TMF1: variants seen among roughly 807,000 people sequenced by gnomAD.
TMF1 encodes the protein TATA element modulatory factor 1.
Under a neutral mutation model 126.5 loss-of-function variants are expected in TMF1, and 71 were observed. The ratio of observed to expected loss-of-function variants is 0.56; its 90% CI spans 0.46 to 0.68. TMF1 has a LOEUF of 0.68. Among genes scored for constraint, TMF1 ranks in the 30% least tolerant of loss-of-function variants. TMF1 has a pLI of 0.00. For missense variants in TMF1, 1,259 were observed against 1,253.2 expected, an observed-to-expected ratio of 1.00 and a Z score of -0.07; for synonymous variants, 461 against 430.5, an observed-to-expected ratio of 1.07 and a Z score of -0.88.
intron 5 of TMF1, among the ~76,000 whole-genome samples, chr3:69,041,461 C>G (rs944036547): frequency 2.0e-5 from 3 of 152,148 alleles, no homozygotes; most frequent in African/African-American, 7.2e-5. Flanking sequence ...ATGACTGCTT[C>G]CAACTGTTCT....
At chr3:69,043,701 A>T (rs765635285) in intron 4 of TMF1, 49 bp downstream of exon 4, 2 of 1,479,210 alleles carry the variant, frequency 1.4e-6, no homozygotes, top group Non-Finnish European at 1.8e-6. Flanking sequence ...CTCCTCAAAA[A>T]TCTATATCTC....
Position 69,042,907 on chromosome 3 carries a change from G to C in TMF1, c.1584C>G (p.Ile528Met), listed in dbSNP as rs755671358. The C allele has an allele frequency of 6.2e-7, 1 of 1,604,216 alleles. No homozygotes were observed. The highest frequency in any genetic ancestry group is 8.5e-7 in the Non-Finnish European group (1 of 1,172,404). The part of the protein sequence containing the change: ...CKERDAAKKE[I>M]KNIKEELATR... ...TGGCAAGTTCTTCTTTTATGTTTTT[G>C]ATTTCCTAATAAAAAAGAAATCTGT... is the stretch of plus-strand genomic sequence containing the variant. The change falls in exon 5 of 17, where the codon ATC becomes ATG. Residue 528 changes from isoleucine (I) to methionine (M), a missense_variant. By Grantham distance (10) the Ile-to-Met change is conservative. Transcript: ENST00000398559.
At position 69,024,148 on chromosome 3, in the gene TMF1, T is replaced by C. The variant is rs2091753681; in HGVS notation, c.3045A>G (p.Ser1015=). Residue 1015 remains serine, a synonymous_variant, in exon 16 of 17, where the codon TCA becomes TCG. Coordinates refer to ENST00000398559, the MANE Select transcript of TMF1 (RefSeq NM_007114.3). ...LEIGNLEKTR[S]IMAEELVKLT... is the part of the protein sequence containing the mutation. ...ATTTAACTAGTTCTTCAGCCATTAT[T>C]GATCGAGTTTTTTCTAGATTGCCAA... The C allele has an allele frequency of 6.2e-7, 1 of 1,608,130 alleles. No homozygotes were observed. Among genetic ancestry groups the C allele is most frequent in the Admixed American group, 1.7e-5 (1 of 59,028 alleles).
At chr3:69,040,653 G>A (rs1258722075) in intron 5 of TMF1, among the ~76,000 whole-genome samples, 1 of 152,204 alleles carries the variant, frequency 6.6e-6, no homozygotes, top group Non-Finnish European at 1.5e-5. Flanking sequence ...CTGGCCGGGT[G>A]CAGTGGCTCA....
At chr3:69,031,459 A>G (rs940028507) in intron 10 of TMF1, among the ~76,000 whole-genome samples, 1 of 152,150 alleles carries the variant, frequency 6.6e-6, no homozygotes, top group Non-Finnish European at 1.5e-5. Flanking sequence ...TACCAATAAA[A>G]CTTTGGAAAT....
intron 10 of TMF1, 128 bp downstream of exon 10, chr3:69,033,419 TA>T: frequency 1.8e-6 from 2 of 1,084,652 alleles, no homozygotes; most frequent in Non-Finnish European, 2.5e-6. Flanking sequence ...AGAGAAAATG[TA>T]AAAATCTACA....
Position 69,052,270 on chromosome 3 carries a change from G to A in TMF1, c.-184C>T, listed in dbSNP as rs1460449230. ...TACCCTCGGCCGTTCCCGCACAGCTGAGACGAAGGGGGCCCATGTGCGCAT... is the reference window on the plus strand; with the variant it reads ...TACCCTCGGCCGTTCCCGCACAGCTAAGACGAAGGGGGCCCATGTGCGCAT... On this transcript the variant is annotated 5_prime_UTR_variant, in exon 1 of 17. Transcript: ENST00000398559. 3.7e-6 allele frequency: 2 copies of A among 547,836 alleles called. No individual in the cohort carries two copies. The highest frequency in any genetic ancestry group is 2.6e-5 in the South Asian group (1 of 38,250). 33.9% of individuals were successfully genotyped at this position (547,836 alleles called of 1,614,324 possible).
chr3:69,035,928 C>G (rs192566093), intron 8 of TMF1, among the ~76,000 whole-genome samples: 1 of 152,116 alleles, frequency 6.6e-6, no homozygotes, highest in African/African-American at 2.4e-5. Context: ...CTCATATATG[C>G]TCTATCTCCC....
rs1179794732 is a variant in TMF1, at chr3:69,029,877, T to A, written c.2532A>T (p.Arg844Ser). 3 of 1,614,004 alleles carry A rather than the reference T, an allele frequency of 1.9e-6. No individual in the cohort carries two copies. Among genetic ancestry groups the A allele is most frequent in the Non-Finnish European group, 2.5e-6 (3 of 1,180,006 alleles). Residue 844 changes from arginine (R) to serine (S), a missense_variant, in exon 11 of 17, where the codon AGA (arginine) becomes AGT (serine). Transcript: ENST00000398559. The stretch of plus-strand genomic sequence containing the variant: ...TCTCTGATTCTAGCTGGGCTTGAAA[T>A]CTACTGTTTTCCTGTCTTAAAAGAG... ...QNSLLRQENS[R>S]FQAQLESEKN...
At position 69,052,145 on chromosome 3, in the gene TMF1, G is replaced by C. The variant is rs2091934867; in HGVS notation, c.-59C>G. Reference sequence around the variant, plus strand: ...ACCAAGCGGGAAGGCCTCAGGCCTGGGGAAGGGTGCAGAGGAACGGCTTCG... The same window carrying C: ...ACCAAGCGGGAAGGCCTCAGGCCTGCGGAAGGGTGCAGAGGAACGGCTTCG... On this transcript the variant is annotated 5_prime_UTR_variant, in exon 1 of 17. Coordinates refer to ENST00000398559, the MANE Select transcript of TMF1 (RefSeq NM_007114.3). 6.4e-7 allele frequency: 1 copy of C among 1,559,958 alleles called. No individual in the cohort carries two copies. Among genetic ancestry groups the C allele is most frequent in the Non-Finnish European group, 8.6e-7 (1 of 1,157,440 alleles).
intron 10 of TMF1, among the ~76,000 whole-genome samples, chr3:69,031,674 T>C (rs1189610172): frequency 1.3e-5 from 2 of 152,236 alleles, no homozygotes; most frequent in Non-Finnish European, 2.9e-5. Context: ...GATTCTGAGA[T>C]TTAACCTAGG....
Position 69,048,167 on chromosome 3 carries a change from T to C in TMF1, c.538A>G (p.Thr180Ala). Reference protein sequence around the residue: ...SPKTEGKHEETVNKESDMKVP... With the variant: ...SPKTEGKHEEAVNKESDMKVP... Reference sequence around the variant, plus strand: ...TTCATATCCGATTCTTTATTAACAGTTTCTTCGTGCTTGCCTTCAGTTTTA... The same window carrying C: ...TTCATATCCGATTCTTTATTAACAGCTTCTTCGTGCTTGCCTTCAGTTTTA... Residue 180 changes from threonine (T) to alanine (A), a missense_variant, in exon 2 of 17, where the codon ACT becomes GCT. Physicochemically the swap from Thr to Ala is moderately conservative, Grantham distance 58. Transcript: ENST00000398559. 1 of 1,614,226 alleles carries C rather than the reference T, an allele frequency of 6.2e-7. No individual in the cohort carries two copies. Among genetic ancestry groups the C allele is most frequent in the Non-Finnish European group, 8.5e-7 (1 of 1,180,042 alleles).
chr3:69,051,163 GGGA>G lies in TMF1; in HGVS notation c.142+779_142+781del, dbSNP rs2091925880. 2.6e-5 allele frequency among the ~76,000 whole-genome samples: 4 copies of G among 152,218 alleles called. 1 individual carries two copies. The South Asian group carries it at 8.3e-4, about 32-fold the overall frequency. On this transcript the variant is annotated intron_variant, in intron 1 of 16. Transcript: ENST00000398559. ...CACGGATATAAACCAAGCTCTCTCT[GGGA>G]GTTGTTCTGAAGATGAGAAGGCCAT...
Position 69,024,114 on chromosome 3 carries a change from G to A in TMF1, c.3079C>T (p.Gln1027Ter). The A allele has an allele frequency of 6.2e-7, 1 of 1,610,048 alleles. No homozygotes were observed. The highest frequency in any genetic ancestry group is 8.5e-7 in the Non-Finnish European group (1 of 1,178,392). The change falls in exon 16 of 17, where the codon CAA (glutamine) becomes TAA (stop). Residue 1027 changes from glutamine (Q) to a stop codon, truncating the protein, a stop_gained. Transcript: ENST00000398559. LOFTEE classifies it high-confidence loss of function. ...ACCTTCTCTTCAAGTTCATCATTTT[G>A]ATTTGTTAATTTAACTAGTTCTTCA... Reference protein sequence around the residue: ...MAEELVKLTNQNDELEEKVKE... With the variant: ...MAEELVKLTN
intron 11 of TMF1, 43 bp from the exon 12 acceptor site, chr3:69,028,338 G>C (rs1274059580): frequency 7.2e-7 from 1 of 1,395,606 alleles, no homozygotes; most frequent in South Asian, 1.2e-5. Flanking sequence ...AAATGAAAAA[G>C]ATGCTAGTAT....
intron 8 of TMF1, 143 bp downstream of exon 8, chr3:69,038,421 T>G: frequency 1.1e-6 from 1 of 928,014 alleles, no homozygotes; most frequent in Non-Finnish European, 1.6e-6. Context: ...AAAACACAAC[T>G]GGTTAAATTT....
intron 15 of TMF1, 155 bp from the exon 16 acceptor site, chr3:69,024,335 G>C (rs530567515): frequency 1.7e-6 from 1 of 595,724 alleles, no homozygotes; most frequent in African/African-American, 2.0e-5. Flanking sequence ...CTTAAGTAAA[G>C]GAAACAGTGG....
chr3:69,035,164 T>A, intron 8 of TMF1, 49 bp from the exon 9 acceptor site: 2 of 1,444,458 alleles, frequency 1.4e-6, no homozygotes, highest in Non-Finnish European at 1.9e-6. Context: ...CAGTATTATC[T>A]ATAACTTCCC....
At position 69,024,217 on chromosome 3, in the gene TMF1, CAT is replaced by C. The variant is rs777148689; in HGVS notation, c.3013-39_3013-38del. ...TACCACAAAATAGTTTAAATCAAAA[CAT>C]ATCTTTTTTAATACTCCCAGTAATA... On this transcript the variant is annotated intron_variant, in intron 15 of 16. Transcript: ENST00000398559. 7 of 1,498,994 alleles carry C rather than the reference CAT, an allele frequency of 4.7e-6. No individual in the cohort carries two copies. In the African/African-American group the frequency reaches 1.0e-4, roughly 22 times the overall value. The allele number at this position is 1,498,994 out of a possible 1,614,324, so 92.9% of individuals were successfully genotyped here.
Sources: allele counts gnomAD v4.1 joint callset (sites outside exome capture counted in the v4.1 genomes callset), GRCh38; gene constraint gnomAD v4.1.1; transcripts MANE v1.5; gene names NCBI Gene and HGNC (gene_info 2026-07-23, HGNC 2026-07-21).